Variants in SUGCT observed in about 807,000 individuals in gnomAD.
SUGCT encodes succinyl-CoA:glutarate CoA-transferase.
SUGCT carries 41 observed loss-of-function variants against 55.0 expected under a neutral mutation model. That is an observed-to-expected ratio of 0.74 (90% CI 0.58 to 0.97). The LOEUF is 0.97. Ranked by LOEUF, SUGCT falls within the 50% of genes least tolerant of loss-of-function variation. SUGCT has a pLI of 0.00. For synonymous variants in SUGCT, 187 were observed against 200.4 expected, an observed-to-expected ratio of 0.93 and a Z score of 0.56; for missense variants, 568 against 547.8, an observed-to-expected ratio of 1.04 and a Z score of -0.37.
In SUGCT at chr7:40,466,709, C is replaced by T. The variant is rs375629246; in HGVS notation, c.986+7511C>T. On this transcript the variant is annotated intron_variant, in intron 11 of 13. Transcript: ENST00000335693. Reference sequence around the variant, plus strand: ...ACCAAAGGGAAAAAGCAAGGATCCACGATGTCAGGTTCTACAAAACAGAAA... The same window carrying T: ...ACCAAAGGGAAAAAGCAAGGATCCATGATGTCAGGTTCTACAAAACAGAAA... Among the ~76,000 whole-genome samples, 6 of 152,252 alleles carry T rather than the reference C, an allele frequency of 3.9e-5. No homozygotes were observed. In the South Asian group the frequency reaches 6.2e-4, roughly 16 times the overall value.
intron 7 of SUGCT, among the ~76,000 whole-genome samples, chr7:40,261,036 T>C (rs1791189385): frequency 6.6e-6 from 1 of 152,106 alleles, no homozygotes; most frequent in South Asian, 2.1e-4. Flanking sequence ...TCATAATGCT[T>C]TGAAAAAGTT....
At chr7:40,273,784 AG>A (rs750870435) in intron 7 of SUGCT, among the ~76,000 whole-genome samples, 3 of 152,202 alleles carry the variant, frequency 2.0e-5, no homozygotes, top group African/African-American at 4.8e-5. Flanking sequence ...GCAGTAGATG[AG>A]GTCCTTAATG....
At chr7:40,356,850 C>A (rs1165467871) in intron 9 of SUGCT, among the ~76,000 whole-genome samples, 1 of 152,198 alleles carries the variant, frequency 6.6e-6, no homozygotes, top group East Asian at 1.9e-4. Flanking sequence ...GAACAGTATC[C>A]ATCACATCTG....
At chr7:40,791,691 G>A (rs1228809125) in intron 13 of SUGCT, among the ~76,000 whole-genome samples, 2 of 152,134 alleles carry the variant, frequency 1.3e-5, no homozygotes, top group South Asian at 2.1e-4. Flanking sequence ...ATAAAGACAG[G>A]AAGGAGTAAA....
chr7:40,872,920 G>T, the SUGCT span, among the ~76,000 whole-genome samples: 1 of 143,334 alleles, frequency 7.0e-6, no homozygotes. Context: ...AACTGAGGTG[G>T]ATTAAGGCTA....
the SUGCT span, among the ~76,000 whole-genome samples, chr7:41,012,715 A>T: frequency 4.6e-5 from 7 of 152,158 alleles, no homozygotes; most frequent in Non-Finnish European, 1.5e-5. Context: ...TTAGGTGAAG[A>T]GACTGCCACC....
Position 40,814,504 on chromosome 7 carries a change from A to G in SUGCT, c.1154-45812A>G, listed in dbSNP as rs141705601. The stretch of plus-strand genomic sequence containing the variant: ...GTCCAGTCTATTGATAAATCTGTCA[A>G]TTATATTTTGAAATTCCTTAAGTGA... On this transcript the variant is annotated intron_variant, in intron 13 of 13. Coordinates refer to ENST00000335693, the MANE Select transcript of SUGCT (RefSeq NM_001193313.2). 5.8e-3 allele frequency among the ~76,000 whole-genome samples: 884 copies of G among 151,950 alleles called. 3 individuals are homozygous for G. Among genetic ancestry groups the G allele is most frequent in the South Asian group, 0.012 (57 of 4,798 alleles).
chr7:40,336,901 C>T (rs1403321339), intron 9 of SUGCT, among the ~76,000 whole-genome samples: 1 of 151,834 alleles, frequency 6.6e-6, no homozygotes. Context: ...TATAAATTTC[C>T]CTCTACACAC....
chr7:40,699,193 C>T (rs1785067770), intron 12 of SUGCT, among the ~76,000 whole-genome samples: 2 of 152,146 alleles, frequency 1.3e-5, no homozygotes, highest in Admixed American at 6.5e-5. Context: ...GCAACATGTC[C>T]TCAGGCTATC....
At chr7:40,332,246 T>C (rs901871341) in intron 9 of SUGCT, among the ~76,000 whole-genome samples, 1 of 152,112 alleles carries the variant, frequency 6.6e-6, no homozygotes, top group Non-Finnish European at 1.5e-5. Flanking sequence ...TCTTTGCACT[T>C]CCATCATAAA....
At chr7:40,889,428 T>C in the SUGCT span, among the ~76,000 whole-genome samples, 1 of 152,146 alleles carries the variant, frequency 6.6e-6, no homozygotes, top group Admixed American at 6.5e-5. Context: ...TGAGACAGGA[T>C]CTTGGAAAGG....
Position 40,599,116 on chromosome 7 carries a change from G to A in SUGCT, c.1089+102730G>A, listed in dbSNP as rs1287103280. 5.3e-5 allele frequency among the ~76,000 whole-genome samples: 8 copies of A among 152,242 alleles called. No individual in the cohort carries two copies. In the East Asian group the frequency reaches 5.8e-4, roughly 11 times the overall value. On this transcript the variant is annotated intron_variant, in intron 12 of 13. Transcript: ENST00000335693. ...TTCCGATGCCACGGGAAGCAGGTCT[G>A]TTTTGTGGTCAGATGAGAGAGGGAG... is the stretch of plus-strand genomic sequence containing the variant.
At chr7:40,684,123 G>A (rs1784368414) in intron 12 of SUGCT, 5 of 1,608,504 alleles carry the variant, frequency 3.1e-6, no homozygotes, top group Non-Finnish European at 4.2e-6. Context: ...CATCTTCAAG[G>A]ATCAGCAAGG....
At chr7:40,805,120 T>C (rs1039146570) in intron 13 of SUGCT, among the ~76,000 whole-genome samples, 6 of 152,208 alleles carry the variant, frequency 3.9e-5, no homozygotes, top group Admixed American at 6.5e-5. Context: ...TTGGACAGTT[T>C]AGGATGCACT....
chr7:40,729,515 G>C (rs755336517), intron 12 of SUGCT, among the ~76,000 whole-genome samples: 9 of 152,180 alleles, frequency 5.9e-5, no homozygotes, highest in Non-Finnish European at 1.3e-4. Flanking sequence ...TGGTAGAGGT[G>C]GTGGTGAGTG....
chr7:40,188,988 A>G (rs1396100094), intron 4 of SUGCT, among the ~76,000 whole-genome samples: 1 of 152,158 alleles, frequency 6.6e-6, no homozygotes, highest in Admixed American at 6.6e-5. Flanking sequence ...ATATTTCTTC[A>G]TGCATAAAAT....
intron 6 of SUGCT, among the ~76,000 whole-genome samples, chr7:40,221,941 A>G (rs1388411589): frequency 2.6e-5 from 4 of 152,246 alleles, no homozygotes; most frequent in Non-Finnish European, 2.9e-5. Context: ...GGATGAGTGG[A>G]TTAATATATG....
rs184511292 is a variant in SUGCT at position 40,690,678 on chromosome 7, C to G, written c.1090-58756C>G. On this transcript the variant is annotated intron_variant, in intron 12 of 13. Transcript: ENST00000335693. Reference sequence around the variant, plus strand: ...TGACCTCCTCGGCTCAGATGATCTTCCCACCTCAGCCTCCCGAGTAGCTGG... The same window carrying G: ...TGACCTCCTCGGCTCAGATGATCTTGCCACCTCAGCCTCCCGAGTAGCTGG... Among the ~76,000 whole-genome samples the G allele has an allele frequency of 2.2e-4, 33 of 152,154 alleles. No individual in the cohort carries two copies. In the East Asian group the frequency reaches 6.2e-3, roughly 29 times the overall value.
chr7:40,923,527 A>T, the SUGCT span, among the ~76,000 whole-genome samples: 1 of 152,170 alleles, frequency 6.6e-6, no homozygotes, highest in Non-Finnish European at 1.5e-5. Context: ...TGTTACCTTA[A>T]TTCAAGGAGA....
Sources: gnomAD v4.1 joint callset for allele counts (sites outside exome capture counted in the v4.1 genomes callset) on GRCh38, gnomAD v4.1.1 for gene constraint, MANE v1.5 for transcripts, NCBI Gene and HGNC (gene_info 2026-07-23, HGNC 2026-07-21) for gene names.